PAK1: variants seen among roughly 807,000 people sequenced by gnomAD.
The protein encoded by PAK1 is p21 (RAC1) activated kinase 1, also known as serine/threonine-protein kinase PAK 1.
In PAK1, 29 loss-of-function variants were observed where a neutral mutation model predicts 67.4. That is an observed-to-expected ratio of 0.43 (90% CI 0.32 to 0.59). The LOEUF (loss-of-function observed/expected upper bound fraction) is 0.59, where lower values mean the gene tolerates loss of function less well. Among genes scored for constraint, PAK1 ranks in the 20% least tolerant of loss-of-function variants. The pLI is 0.07. For synonymous variants in PAK1, 223 were observed against 237.4 expected, an observed-to-expected ratio of 0.94 and a Z score of 0.56; for missense variants, 337 against 670.7, an observed-to-expected ratio of 0.50 and a Z score of 5.50.
chr11:77,426,483 G>A (rs1051980564), intron 1 of PAK1, among the ~76,000 whole-genome samples: 3 of 151,998 alleles, frequency 2.0e-5, no homozygotes, highest in Admixed American at 6.6e-5. Context: ...TAAGAAAATC[G>A]GGGCACAGAG....
intron 1 of PAK1, among the ~76,000 whole-genome samples, chr11:77,437,561 T>C (rs1287293365): frequency 6.6e-6 from 1 of 152,154 alleles, no homozygotes; most frequent in Non-Finnish European, 1.5e-5. Context: ...CATTTGGCAA[T>C]GTCTAGAGAT....
At chr11:77,323,435 G>A (rs581047) in intron 14 of PAK1, 75 bp from the exon 15 acceptor site, 36,329 of 1,003,222 alleles carry the variant, frequency 0.036, 902 homozygotes, top group Non-Finnish European at 0.047. Flanking sequence ...AAGACATAAA[G>A]GCATCTTTGT....
At chr11:77,485,482 A>T in the PAK1 span, among the ~76,000 whole-genome samples, 46 of 150,408 alleles carry the variant, frequency 3.1e-4, no homozygotes, top group South Asian at 2.6e-3. Flanking sequence ...ATAAAAAAAA[A>T]TTTTTTTTTT....
At chr11:77,412,425 CATT>C (rs1021474896) in intron 1 of PAK1, among the ~76,000 whole-genome samples, 4 of 151,780 alleles carry the variant, frequency 2.6e-5, no homozygotes, top group African/African-American at 7.3e-5. Flanking sequence ...GCAGCTGCTA[CATT>C]ATTATTATTA....
chr11:77,328,575 C>A (rs543797242), intron 14 of PAK1, among the ~76,000 whole-genome samples: 2 of 152,236 alleles, frequency 1.3e-5, no homozygotes, highest in South Asian at 4.2e-4. Context: ...TAAAGATGTT[C>A]TTTGAAACCA....
chr11:77,386,323 G>C (rs1950446751), intron 2 of PAK1, among the ~76,000 whole-genome samples: 2 of 152,224 alleles, frequency 1.3e-5, no homozygotes, highest in African/African-American at 2.4e-5. Context: ...CACTGACATA[G>C]TCCAATGTTA....
intron 1 of PAK1, among the ~76,000 whole-genome samples, chr11:77,469,373 A>T (rs1445982005): frequency 3.3e-5 from 5 of 152,224 alleles, no homozygotes; most frequent in Non-Finnish European, 7.4e-5. Flanking sequence ...GGCCTGGTAC[A>T]GAACAGGTAT....
chr11:77,333,828 T>C (rs574294573), intron 13 of PAK1, among the ~76,000 whole-genome samples: 12 of 152,254 alleles, frequency 7.9e-5, no homozygotes, highest in Admixed American at 4.6e-4. Flanking sequence ...GCAAGACTTA[T>C]CATCTTCACT....
intron 1 of PAK1, among the ~76,000 whole-genome samples, chr11:77,465,299 T>G (rs61901816): frequency 6.6e-6 from 1 of 152,170 alleles, no homozygotes; most frequent in African/African-American, 2.4e-5. Context: ...TTCCAGTTTG[T>G]AACTTCCCAG....
At chr11:77,373,081 C>T (rs1948641701) in intron 5 of PAK1, among the ~76,000 whole-genome samples, 1 of 152,164 alleles carries the variant, frequency 6.6e-6, no homozygotes, top group Non-Finnish European at 1.5e-5. Context: ...TCTTCAACCT[C>T]AAGACTGGGA....
intron 9 of PAK1, among the ~76,000 whole-genome samples, chr11:77,344,623 T>C (rs915628451): frequency 2.6e-5 from 4 of 152,342 alleles, no homozygotes; most frequent in Middle Eastern, 3.4e-3. Flanking sequence ...AAAGACACCT[T>C]GTGTGCTAAA....
At chr11:77,488,409 A>T in the PAK1 span, among the ~76,000 whole-genome samples, 1,384 of 152,290 alleles carry the variant, frequency 9.1e-3, 27 homozygotes, top group African/African-American at 0.032. Flanking sequence ...AAGCATCAAG[A>T]CCATCTATGA....
At chr11:77,383,704 C>T (rs181531693) in intron 2 of PAK1, among the ~76,000 whole-genome samples, 1 of 152,062 alleles carries the variant, frequency 6.6e-6, no homozygotes, top group Non-Finnish European at 1.5e-5. Flanking sequence ...GGCAGGAATA[C>T]AGGAGAGAAA....
chr11:77,403,899 C>T (rs1040721290), intron 1 of PAK1, among the ~76,000 whole-genome samples: 1 of 152,190 alleles, frequency 6.6e-6, no homozygotes, highest in African/African-American at 2.4e-5. Flanking sequence ...CATGAGGGCT[C>T]TGGCCTCATG....
the PAK1 span, among the ~76,000 whole-genome samples, chr11:77,523,011 C>T: frequency 3.3e-4 from 50 of 151,966 alleles, no homozygotes; most frequent in African/African-American, 4.4e-4. Flanking sequence ...CAAGTGGGAG[C>T]GAAACACTGG....
At chr11:77,477,565 T>TACAAAAAAAAA (rs1555176580), upstream of PAK1, among the ~76,000 whole-genome samples, 1 of 10,074 alleles carries the variant, frequency 9.9e-5, no homozygotes, top group Admixed American at 1.5e-3. Context: ...ACACCATCTC[T>TACAAAAAAAAA]ACAAAAAAAA....
chr11:77,522,527 T>C, the PAK1 span, among the ~76,000 whole-genome samples: 1 of 152,106 alleles, frequency 6.6e-6, no homozygotes, highest in Non-Finnish European at 1.5e-5. Context: ...TGAGATACCA[T>C]CTCACACCAG....
Position 77,355,711 on chromosome 11 carries a change from C to G in PAK1, c.729G>C (p.Lys243Asn). ...CCTCATCAGACATTTTAGGCTTCTT[C>G]TTCTGCTTCTCAGTATTCCGGGTCA... is the stretch of plus-strand genomic sequence containing the variant. Reference protein sequence around the residue: ...DALTRNTEKQKKKPKMSDEEI... With the variant: ...DALTRNTEKQNKKPKMSDEEI... The change falls in exon 7 of 15, where the codon AAG becomes AAC. Residue 243 changes from lysine to asparagine, a missense_variant. By Grantham distance (94) the Lys-to-Asn change is moderately conservative (BLOSUM62 0). This residue lies in a region of PAK1 where 150 missense variants were observed against 179.0 expected (regional missense o/e 0.84). Transcript: ENST00000356341. 11 of 1,613,656 alleles carry G rather than the reference C, an allele frequency of 6.8e-6. No homozygotes were observed. Among genetic ancestry groups the G allele is most frequent in the Non-Finnish European group, 9.3e-6 (11 of 1,179,616 alleles).
At chr11:77,454,988 T>TTC (rs1052641054) in intron 1 of PAK1, among the ~76,000 whole-genome samples, 17 of 150,924 alleles carry the variant, frequency 1.1e-4, no homozygotes, top group African/African-American at 1.7e-4. Context: ...CTCTCTCCCT[T>TTC]TCTCTCTCTC....
Sources: allele counts gnomAD v4.1 joint callset (sites outside exome capture counted in the v4.1 genomes callset), GRCh38; gene constraint gnomAD v4.1.1; regional missense constraint gnomAD v4.1.1; transcripts MANE v1.5; gene names NCBI Gene and HGNC (gene_info 2026-07-23, HGNC 2026-07-21).